Variants in UBXN7 observed in about 807,000 individuals in gnomAD.
UBXN7 encodes UBX domain-containing protein 7.
In UBXN7, 9 loss-of-function variants were observed where a neutral mutation model predicts 58.0. That is an observed-to-expected ratio of 0.16 (90% confidence interval 0.09 to 0.27). UBXN7 has a LOEUF of 0.27. Among genes scored for constraint, UBXN7 ranks in the 10% least tolerant of loss-of-function variants. The pLI is 1.00. For missense variants in UBXN7, 328 were observed against 599.6 expected (o/e 0.55, Z 4.73); for synonymous variants, 208 against 205.0 (o/e 1.01, Z -0.12).
At chr3:196,382,354 A>AT (rs1008971556) in intron 5 of UBXN7, among the ~76,000 whole-genome samples, 9 of 152,296 alleles carry the variant, frequency 5.9e-5, no homozygotes, top group African/African-American at 1.9e-4. Context: ...AAAGAAAAGA[A>AT]TTTTCAACCC....
intron 5 of UBXN7, among the ~76,000 whole-genome samples, chr3:196,388,473 G>GTTT (rs569238340): frequency 1.4e-5 from 2 of 146,066 alleles, no homozygotes; most frequent in Admixed American, 6.8e-5. Context: ...GCTACTGTTT[G>GTTT]TTTTTTTTTT....
At chr3:196,377,451 C>T (rs1452942607) in intron 5 of UBXN7, among the ~76,000 whole-genome samples, 3 of 152,162 alleles carry the variant, frequency 2.0e-5, no homozygotes, top group Non-Finnish European at 2.9e-5. Context: ...CTAATACAGT[C>T]CTTTCTCTTC....
At chr3:196,407,823 G>A (rs758925069) in intron 1 of UBXN7, among the ~76,000 whole-genome samples, 35 of 152,214 alleles carry the variant, frequency 2.3e-4, no homozygotes, top group Admixed American at 7.9e-4. Context: ...CATCAGGCTG[G>A]GCGCAGTGGC....
intron 1 of UBXN7, among the ~76,000 whole-genome samples, chr3:196,424,967 G>T (rs902038536): frequency 4.6e-5 from 7 of 152,106 alleles, no homozygotes; most frequent in Non-Finnish European, 8.8e-5. Flanking sequence ...CTCCCAAAGT[G>T]CTGGGATTCC....
chr3:196,430,359 CAAA>C (rs1730987812), intron 1 of UBXN7, among the ~76,000 whole-genome samples: 1 of 137,592 alleles, frequency 7.3e-6, no homozygotes, highest in Admixed American at 8.0e-5. Context: ...GAGACTGTCT[CAAA>C]ATAATAATAA....
intron 1 of UBXN7, among the ~76,000 whole-genome samples, chr3:196,431,101 T>A (rs1291398048): frequency 6.6e-6 from 1 of 152,144 alleles, no homozygotes; most frequent in African/African-American, 2.4e-5. Context: ...GTATACAACC[T>A]GTAGTAGTTA....
At chr3:196,405,565 T>G (rs540965508) in intron 2 of UBXN7, among the ~76,000 whole-genome samples, 10 of 151,714 alleles carry the variant, frequency 6.6e-5, no homozygotes, top group Non-Finnish European at 1.5e-4. Flanking sequence ...CTTTACAGTG[T>G]GTGTGTGTGT....
rs567895417 is a variant in UBXN7, at chr3:196,350,589, G to C, written c.*6096C>G. 2 of 44,590 alleles carry C rather than the reference G, an allele frequency of 4.5e-5. No homozygotes were observed. The highest frequency in any genetic ancestry group is 0.011 in the East Asian group (2 of 178). The allele number at this position is 44,590 out of a possible 1,614,324, so 2.8% of individuals were successfully genotyped here. A position where few individuals can be genotyped will look rare whatever the true frequency, so the allele number is the denominator to read the frequency against. On this transcript the variant is annotated 3_prime_UTR_variant, in exon 11 of 11. Coordinates refer to ENST00000296328, the MANE Select transcript of UBXN7 (RefSeq NM_015562.2). ...GCAGGATTAAAAGATTTCTAATTAA[G>C]GGTCTGTCACTTCACAGGACAACTA...
intron 2 of UBXN7, 151 bp downstream of exon 2, chr3:196,407,095 T>C (rs1730185800): frequency 1.1e-5 from 12 of 1,050,316 alleles, no homozygotes; most frequent in South Asian, 1.7e-5. Context: ...ATTTAAAGTA[T>C]GTAACTACAA....
intron 10 of UBXN7, among the ~76,000 whole-genome samples, chr3:196,357,853 A>G (rs1444999693): frequency 6.6e-6 from 1 of 151,168 alleles, no homozygotes; most frequent in East Asian, 1.9e-4. Context: ...GCCAATCTTC[A>G]TCTCAAAAAA....
chr3:196,379,530 A>G (rs1258722637), intron 5 of UBXN7, among the ~76,000 whole-genome samples: 1 of 152,144 alleles, frequency 6.6e-6, no homozygotes, highest in Non-Finnish European at 1.5e-5. Context: ...AGGGTTGTAG[A>G]GGGAAAAAGA....
chr3:196,398,226 T>G (rs953379628), intron 3 of UBXN7, among the ~76,000 whole-genome samples: 1 of 152,230 alleles, frequency 6.6e-6, no homozygotes, highest in Non-Finnish European at 1.5e-5. Context: ...GTAGCCTAGC[T>G]GACATGTTGA....
At chr3:196,365,877 T>C (rs916660702) in intron 8 of UBXN7, among the ~76,000 whole-genome samples, 1 of 152,184 alleles carries the variant, frequency 6.6e-6, no homozygotes, top group Non-Finnish European at 1.5e-5. Flanking sequence ...GTAGCTTCAC[T>C]GGTAAATGTC....
At chr3:196,431,119 A>G (rs990469051) in intron 1 of UBXN7, among the ~76,000 whole-genome samples, 2 of 152,218 alleles carry the variant, frequency 1.3e-5, no homozygotes, top group African/African-American at 4.8e-5. Flanking sequence ...TTAAAACAAT[A>G]TAAAATTTTA....
intron 8 of UBXN7, among the ~76,000 whole-genome samples, chr3:196,366,234 G>A (rs1422656742): frequency 6.6e-6 from 1 of 152,108 alleles, no homozygotes. Context: ...TTTTTAGGCT[G>A]GGCATGGTAT....
chr3:196,399,704 G>C (rs1351046052), intron 3 of UBXN7, among the ~76,000 whole-genome samples: 1 of 152,080 alleles, frequency 6.6e-6, no homozygotes, highest in Non-Finnish European at 1.5e-5. Context: ...GCCTCCCAAA[G>C]GACTGGGATT....
At chr3:196,373,553 G>C (rs1215954821) in intron 5 of UBXN7, among the ~76,000 whole-genome samples, 1 of 152,138 alleles carries the variant, frequency 6.6e-6, no homozygotes, top group African/African-American at 2.4e-5. Flanking sequence ...AAAATCTTAA[G>C]AATCAATGAA....
intron 10 of UBXN7, among the ~76,000 whole-genome samples, chr3:196,358,236 T>C (rs534803350): frequency 5.9e-5 from 9 of 151,998 alleles, no homozygotes; most frequent in Non-Finnish European, 1.2e-4. Flanking sequence ...AAGAGAAACA[T>C]AGAGAAAAAC....
intron 1 of UBXN7, among the ~76,000 whole-genome samples, chr3:196,414,463 T>C (rs1730421035): frequency 6.6e-6 from 1 of 152,176 alleles, no homozygotes; most frequent in South Asian, 2.1e-4. Flanking sequence ...TCAAGCTGCA[T>C]ACAAGATTTG....
Sources: gnomAD v4.1 joint callset for allele counts (sites outside exome capture counted in the v4.1 genomes callset) on GRCh38, gnomAD v4.1.1 for gene constraint, MANE v1.5 for transcripts, NCBI Gene and HGNC (gene_info 2026-07-23, HGNC 2026-07-21) for gene names.